DLG1: variants seen among roughly 807,000 people sequenced by gnomAD.
DLG1 encodes discs large MAGUK scaffold protein 1.
A neutral mutation model predicts 123.4 loss-of-function variants in DLG1; 42 were observed. The ratio of observed to expected loss-of-function variants is 0.34; its 90% CI spans 0.27 to 0.44. The LOEUF is 0.44. Among genes scored for constraint, DLG1 ranks in the 20% least tolerant of loss-of-function variants. The pLI is 1.00. For synonymous variants in DLG1, 317 were observed against 356.2 expected (o/e 0.89, Z 1.24); for missense variants, 942 against 1,082.6 (o/e 0.87, Z 1.82).
In DLG1 at chr3:197,148,245, C is replaced by CAAAA. The variant is rs1300222676; in HGVS notation, c.537+1494_537+1497dup. Reference sequence around the variant, plus strand: ...TAAAACCCCATCTCTACCAAAAATACAAAAAAAAAAAAAAAATAGCCAGTC... The same window carrying CAAAA: ...TAAAACCCCATCTCTACCAAAAATACAAAAAAAAAAAAAAAAAAAATAGCCAGTC... On this transcript the variant is annotated intron_variant, in intron 6 of 24. Transcript: ENST00000667157. 2.1e-3 allele frequency among the ~76,000 whole-genome samples: 91 copies of CAAAA among 43,286 alleles called. 5 individuals carry two copies. The highest frequency in any genetic ancestry group is 9.5e-3 in the African/African-American group (80 of 8,410). 28.4% of individuals were successfully genotyped at this position (43,286 alleles called of 152,430 possible).
At chr3:197,048,529 CA>C (rs932087179) in intron 24 of DLG1, among the ~76,000 whole-genome samples, 23 of 151,868 alleles carry the variant, frequency 1.5e-4, no homozygotes, top group Non-Finnish European at 2.8e-4. Context: ...TGGCTGTTAT[CA>C]AAAAGATAAG....
intron 11 of DLG1, among the ~76,000 whole-genome samples, chr3:197,124,596 A>G (rs1778083237): frequency 6.6e-6 from 1 of 151,614 alleles, no homozygotes; most frequent in Non-Finnish European, 1.5e-5. Flanking sequence ...GATGGGTCTC[A>G]TTATGTTGCC....
intron 4 of DLG1, among the ~76,000 whole-genome samples, chr3:197,231,346 T>A (rs895560459): frequency 6.6e-6 from 1 of 152,370 alleles, no homozygotes; most frequent in South Asian, 2.1e-4. Context: ...ATTTCTGTTA[T>A]AAGTAGGCTT....
chr3:197,123,781 CA>C (rs1234428101), intron 11 of DLG1, among the ~76,000 whole-genome samples: 1 of 152,060 alleles, frequency 6.6e-6, no homozygotes, highest in Admixed American at 6.6e-5. Flanking sequence ...AAAACATCCA[CA>C]GCAGCTACAC....
intron 4 of DLG1, among the ~76,000 whole-genome samples, chr3:197,220,135 T>C (rs1280293624): frequency 6.6e-6 from 1 of 152,196 alleles, no homozygotes; most frequent in Non-Finnish European, 1.5e-5. Context: ...ATTTCCTTTG[T>C]TTACTGCTAT....
At chr3:197,265,202 A>G (rs1342727096) in intron 4 of DLG1, among the ~76,000 whole-genome samples, 1 of 152,236 alleles carries the variant, frequency 6.6e-6, no homozygotes, top group East Asian at 1.9e-4. Flanking sequence ...GCTACTTTAG[A>G]AGGACTTGAA....
At chr3:197,189,365 C>T (rs1717948050) in intron 5 of DLG1, among the ~76,000 whole-genome samples, 1 of 151,944 alleles carries the variant, frequency 6.6e-6, no homozygotes, top group African/African-American at 2.4e-5. Flanking sequence ...TCATATTACA[C>T]AGGAAATATA....
chr3:197,113,523 ATTAT>A (rs1410391079), intron 13 of DLG1, among the ~76,000 whole-genome samples: 6 of 152,180 alleles, frequency 3.9e-5, no homozygotes, highest in Non-Finnish European at 5.9e-5. Flanking sequence ...GTATAATAAC[ATTAT>A]TTGTCTTAAA....
intron 5 of DLG1, among the ~76,000 whole-genome samples, chr3:197,152,480 T>G (rs569098034): frequency 8.0e-5 from 12 of 150,420 alleles, no homozygotes; most frequent in Non-Finnish European, 1.3e-4. Flanking sequence ...TAGGACTTTT[T>G]AAAACTCAAG....
intron 23 of DLG1, among the ~76,000 whole-genome samples, chr3:197,058,491 C>A (rs1419567268): frequency 6.6e-6 from 1 of 152,196 alleles, no homozygotes; most frequent in African/African-American, 2.4e-5. Context: ...TTGACTCACT[C>A]AGAAGCATAA....
intron 10 of DLG1, among the ~76,000 whole-genome samples, chr3:197,133,697 G>C (rs189247336): frequency 6.6e-6 from 1 of 152,190 alleles, no homozygotes; most frequent in Non-Finnish European, 1.5e-5. Context: ...AAATGGACAA[G>C]GAGTGAGTTC....
chr3:197,293,648 A>G (rs960772131), intron 3 of DLG1, among the ~76,000 whole-genome samples: 1 of 152,126 alleles, frequency 6.6e-6, no homozygotes, highest in Non-Finnish European at 1.5e-5. Context: ...TTTTAAATGC[A>G]TGAAAAGTCA....
chr3:197,183,780 A>G (rs1380170005), intron 5 of DLG1: 1 of 1,550,276 alleles, frequency 6.5e-7, no homozygotes, highest in Non-Finnish European at 8.7e-7. Context: ...AGAGTATAGA[A>G]GTGTGTTGTT....
At chr3:197,298,872 A>T (rs983703440), upstream of DLG1, 1 of 327,168 alleles carries the variant, frequency 3.1e-6, no homozygotes, top group Non-Finnish European at 5.5e-6. Context: ...ATAGTACAAG[A>T]TTTTTAAGCC....
chr3:197,166,688 G>C (rs1801600982), intron 5 of DLG1, among the ~76,000 whole-genome samples: 1 of 152,120 alleles, frequency 6.6e-6, no homozygotes, highest in Non-Finnish European at 1.5e-5. Flanking sequence ...TCAGGAGTTT[G>C]AGACCAGCCT....
chr3:197,214,549 G>A (rs974238979), intron 4 of DLG1, among the ~76,000 whole-genome samples: 13 of 151,990 alleles, frequency 8.6e-5, no homozygotes, highest in Non-Finnish European at 1.8e-4. Context: ...CTCTAGCCTG[G>A]GCGACAGAGC....
chr3:197,119,900 C>T (rs537610891), intron 11 of DLG1, among the ~76,000 whole-genome samples: 2 of 141,314 alleles, frequency 1.4e-5, no homozygotes, highest in African/African-American at 5.4e-5. Context: ...ACCTAATTTA[C>T]ATCTATGCTT....
chr3:197,229,082 G>C (rs936191628), intron 4 of DLG1, among the ~76,000 whole-genome samples: 1 of 152,088 alleles, frequency 6.6e-6, no homozygotes, highest in Non-Finnish European at 1.5e-5. Flanking sequence ...GCATCTAGTG[G>C]GTAGAAGCCA....
intron 15 of DLG1, among the ~76,000 whole-genome samples, chr3:197,087,020 CAT>C (rs1754785863): frequency 6.6e-6 from 1 of 152,090 alleles, no homozygotes. Context: ...CCATGGAATA[CAT>C]GTGAGTTATT....
Sources: allele counts gnomAD v4.1 joint callset (sites outside exome capture counted in the v4.1 genomes callset), GRCh38; gene constraint gnomAD v4.1.1; transcripts MANE v1.5; gene names NCBI Gene and HGNC (gene_info 2026-07-23, HGNC 2026-07-21).